MANBA: variants seen among roughly 807,000 people sequenced by gnomAD.
MANBA encodes mannosidase beta.
In MANBA, 83 loss-of-function variants were observed where a neutral mutation model predicts 111.1. The observed-to-expected ratio is 0.75, with a 90% CI of 0.63 to 0.90. The LOEUF (loss-of-function observed/expected upper bound fraction) is 0.90. Among genes scored for constraint, MANBA ranks in the 40% least tolerant of loss-of-function variants. The probability of loss-of-function intolerance (pLI) is 0.00; values close to 1 mark genes in which losing one functional copy is unlikely to be tolerated. For missense variants in MANBA, 1,036 were observed against 1,069.0 expected, an observed-to-expected ratio of 0.97 and a Z score of 0.43; for synonymous variants, 370 against 378.7, an observed-to-expected ratio of 0.98 and a Z score of 0.27.
chr4:102,645,075 G>T, intron 13 of MANBA, among the ~76,000 whole-genome samples: 1 of 151,928 alleles, frequency 6.6e-6, no homozygotes, highest in Non-Finnish European at 1.5e-5. Flanking sequence ...TTTTTCAACA[G>T]TATAAGATTT....
chr4:102,747,399 C>T (rs1305924076), intron 1 of MANBA, among the ~76,000 whole-genome samples: 1 of 152,170 alleles, frequency 6.6e-6, no homozygotes, highest in East Asian at 1.9e-4. Context: ...TCTGGCTTTG[C>T]TGGCAGCTGA....
chr4:102,707,567 C>A (rs1003309602), intron 5 of MANBA, among the ~76,000 whole-genome samples: 1 of 151,970 alleles, frequency 6.6e-6, no homozygotes, highest in Non-Finnish European at 1.5e-5. Flanking sequence ...AAACACCAAA[C>A]CACAGTGATA....
intron 4 of MANBA, among the ~76,000 whole-genome samples, chr4:102,720,927 G>C (rs1482760797): frequency 2.0e-5 from 3 of 152,150 alleles, no homozygotes; most frequent in Non-Finnish European, 4.4e-5. Flanking sequence ...AGCTGAAAAA[G>C]AGCCATTTAA....
At chr4:102,663,783 CAAAGTTTTTCA>C (rs1343246979) in intron 11 of MANBA, among the ~76,000 whole-genome samples, 2 of 152,068 alleles carry the variant, frequency 1.3e-5, no homozygotes, top group African/African-American at 4.8e-5. Context: ...ACATGTTAAA[CAAAGTTTTTCA>C]AAAGTTAAAA....
intron 1 of MANBA, among the ~76,000 whole-genome samples, chr4:102,735,325 C>G (rs1184451071): frequency 6.7e-6 from 1 of 148,922 alleles, no homozygotes; most frequent in East Asian, 1.9e-4. Flanking sequence ...CTCTTTTCAA[C>G]CCTTCAACCC....
chr4:102,635,848 C>T lies in MANBA; in HGVS notation c.2157+17G>A, dbSNP rs777772403. On this transcript the variant is annotated intron_variant, in intron 15 of 16. Transcript: ENST00000647097. ...AAAAGTCTCCTTCGATCTTAGAAAA[C>T]AATCCAAGTAACTTACACTGAGTGT... 2 of 1,607,396 alleles carry T rather than the reference C, an allele frequency of 1.2e-6. No individual in the cohort carries two copies. The highest frequency in any genetic ancestry group is 8.5e-7 in the Non-Finnish European group (1 of 1,173,958).
At chr4:102,698,440 G>A (rs1732844169) in intron 5 of MANBA, among the ~76,000 whole-genome samples, 1 of 149,416 alleles carries the variant, frequency 6.7e-6, no homozygotes, top group African/African-American at 2.5e-5. Flanking sequence ...CCATGCCTAT[G>A]TCCTGAATGG....
intron 1 of MANBA, among the ~76,000 whole-genome samples, chr4:102,755,598 A>G (rs1216798955): frequency 2.0e-5 from 3 of 152,234 alleles, no homozygotes; most frequent in Non-Finnish European, 4.4e-5. Context: ...AAGCAATGGC[A>G]ACAAAAGCCA....
intron 5 of MANBA, among the ~76,000 whole-genome samples, chr4:102,709,330 G>C (rs1297159793): frequency 8.2e-6 from 1 of 122,450 alleles, no homozygotes; most frequent in Non-Finnish European, 1.7e-5. Context: ...AAAAGAAAAA[G>C]AAAGGAAGGA....
intron 5 of MANBA, among the ~76,000 whole-genome samples, chr4:102,706,343 C>A (rs1490152388): frequency 6.6e-6 from 1 of 152,226 alleles, no homozygotes; most frequent in Non-Finnish European, 1.5e-5. Flanking sequence ...ACAAACACCA[C>A]TGATGCTGTT....
intron 1 of MANBA, chr4:102,729,372 G>A (rs1463217933): frequency 1.5e-5 from 12 of 795,900 alleles, no homozygotes; most frequent in East Asian, 7.3e-5. Flanking sequence ...CGATCTCCTC[G>A]TATGGTGCCT....
Position 102,689,583 on chromosome 4 carries a change from T to G in MANBA, c.951A>C (p.Lys317Asn). 1 of 1,578,992 alleles carries G rather than the reference T, an allele frequency of 6.3e-7. No homozygotes were observed. The highest frequency in any genetic ancestry group is 8.7e-7 in the Non-Finnish European group (1 of 1,151,112). ...FELDGGLNIE[K>N]SAKVYFRTVE... Reference sequence around the variant, plus strand: ...TAAATTACTTACTTACCTTAGCTGATTTTTCAATATTTAAGCCTCCATCCA... The same window carrying G: ...TAAATTACTTACTTACCTTAGCTGAGTTTTCAATATTTAAGCCTCCATCCA... The change falls in exon 7 of 17, where the codon AAA becomes AAC. Residue 317 changes from lysine to asparagine, a missense_variant. Physicochemically the swap from Lys to Asn is moderately conservative, Grantham distance 94 (BLOSUM62 0). Coordinates refer to ENST00000647097, the MANE Select transcript of MANBA (RefSeq NM_005908.4).
chr4:102,729,473 C>T, intron 1 of MANBA: 6 of 1,206,766 alleles, frequency 5.0e-6, no homozygotes, highest in Non-Finnish European at 7.3e-6. Flanking sequence ...GACTGCAGCT[C>T]CTGGATCTCC....
At chr4:102,726,307 C>T (rs1175794976) in intron 2 of MANBA, among the ~76,000 whole-genome samples, 2 of 152,120 alleles carry the variant, frequency 1.3e-5, no homozygotes, top group Admixed American at 6.5e-5. Flanking sequence ...GTTAGCACTA[C>T]ATAGGGCATA....
At chr4:102,704,117 T>C (rs1409751803) in intron 5 of MANBA, among the ~76,000 whole-genome samples, 1 of 151,792 alleles carries the variant, frequency 6.6e-6, no homozygotes, top group Non-Finnish European at 1.5e-5. Context: ...CCAAAAAATT[T>C]GATCCCAAAT....
intron 12 of MANBA, among the ~76,000 whole-genome samples, chr4:102,657,261 A>C: frequency 6.7e-6 from 1 of 149,714 alleles, no homozygotes. Context: ...TAGGAGGAGA[A>C]AGAGGAGAGA....
At chr4:102,730,570 T>G (rs1470277936) in intron 1 of MANBA, 1 of 537,794 alleles carries the variant, frequency 1.9e-6, no homozygotes, top group African/African-American at 1.9e-5. Context: ...ATTTAGTGCG[T>G]CATTGATGTC....
intron 1 of MANBA, among the ~76,000 whole-genome samples, chr4:102,735,406 C>T (rs1172102447): frequency 1.7e-4 from 25 of 151,222 alleles, no homozygotes; most frequent in Non-Finnish European, 4.4e-5. Context: ...TCTTTCATTC[C>T]CTAACCAGAG....
At chr4:102,728,870 A>T (rs1722914967) in intron 1 of MANBA, 1 of 805,712 alleles carries the variant, frequency 1.2e-6, no homozygotes, top group Admixed American at 1.8e-5. Context: ...ACCAGAGCCA[A>T]AGCTGGGGCT....
Sources: allele counts gnomAD v4.1 joint callset (sites outside exome capture counted in the v4.1 genomes callset), GRCh38; gene constraint gnomAD v4.1.1; transcripts MANE v1.5; gene names NCBI Gene and HGNC (gene_info 2026-07-23, HGNC 2026-07-21).